Variants in CLIP2 observed in about 807,000 individuals in gnomAD.
CLIP2 encodes the protein CAP-Gly domain containing linker protein 2.
A neutral mutation model predicts 111.7 loss-of-function variants in CLIP2; 41 were observed. That is an observed-to-expected ratio of 0.37 (90% confidence interval 0.29 to 0.48). The LOEUF (loss-of-function observed/expected upper bound fraction) is 0.48, where lower values mean the gene tolerates loss of function less well. CLIP2 is among the 20% of genes least tolerant of loss of function. CLIP2 has a pLI of 0.99. For synonymous variants in CLIP2, 660 were observed against 644.2 expected (o/e 1.02, Z -0.37); for missense variants, 1,160 against 1,422.1 (o/e 0.82, Z 2.96).
chr7:74,391,324 T>C (rs1554315829), intron 13 of CLIP2, among the ~76,000 whole-genome samples: 1 of 152,214 alleles, frequency 6.6e-6, no homozygotes, highest in African/African-American at 2.4e-5. Flanking sequence ...AAAAACCTAT[T>C]GTATTCTGAA....
chr7:74,303,948 C>T (rs1554727307), intron 1 of CLIP2, among the ~76,000 whole-genome samples: 1 of 150,932 alleles, frequency 6.6e-6, no homozygotes, highest in Non-Finnish European at 1.5e-5. Flanking sequence ...GCTCTGTGGC[C>T]CAGGATGGGG....
At chr7:74,372,617 C>T (rs1790661158) in intron 8 of CLIP2, among the ~76,000 whole-genome samples, 1 of 151,960 alleles carries the variant, frequency 6.6e-6, no homozygotes. Context: ...AAGCGAGGTG[C>T]CCATTGCTAC....
At chr7:74,296,445 G>A (rs1350150418) in intron 1 of CLIP2, among the ~76,000 whole-genome samples, 3 of 151,732 alleles carry the variant, frequency 2.0e-5, no homozygotes, top group Admixed American at 6.6e-5. Context: ...GGGAGGCAGA[G>A]GCTGCAGTGA....
At chr7:74,296,377 G>A (rs1326877755) in intron 1 of CLIP2, among the ~76,000 whole-genome samples, 2 of 151,952 alleles carry the variant, frequency 1.3e-5, no homozygotes, top group African/African-American at 4.8e-5. Context: ...AGATGTAGTG[G>A]CATGCACCTG....
chr7:74,385,867 C>A (rs1477230192), intron 11 of CLIP2, among the ~76,000 whole-genome samples: 1 of 151,506 alleles, frequency 6.6e-6, no homozygotes, highest in African/African-American at 2.4e-5. Context: ...CTCAACCTCC[C>A]AAGTAGCTGG....
chr7:74,306,100 T>C (rs1379147240), intron 1 of CLIP2, among the ~76,000 whole-genome samples: 1 of 151,938 alleles, frequency 6.6e-6, no homozygotes, highest in Non-Finnish European at 1.5e-5. Context: ...CAGAGTGTGG[T>C]CAGTTTCCTT....
intron 2 of CLIP2, among the ~76,000 whole-genome samples, chr7:74,331,873 G>A (rs1789292682): frequency 6.6e-6 from 1 of 151,684 alleles, no homozygotes; most frequent in African/African-American, 2.4e-5. Flanking sequence ...ACGCCCAGCC[G>A]GGATCAGTTT....
chr7:74,337,885 C>T (rs567340499), intron 2 of CLIP2, among the ~76,000 whole-genome samples: 14 of 152,230 alleles, frequency 9.2e-5, no homozygotes, highest in African/African-American at 3.1e-4. Context: ...CATGAGCCAC[C>T]GTGCCCGGCC....
At chr7:74,352,508 A>T (rs1554307741) in intron 3 of CLIP2, among the ~76,000 whole-genome samples, 2 of 152,020 alleles carry the variant, frequency 1.3e-5, no homozygotes, top group African/African-American at 4.8e-5. Flanking sequence ...GGAAAAAAAA[A>T]TTTCTGGAAA....
At chr7:74,296,403 G>C (rs533337427) in intron 1 of CLIP2, among the ~76,000 whole-genome samples, 3 of 151,950 alleles carry the variant, frequency 2.0e-5, no homozygotes, top group African/African-American at 7.3e-5. Context: ...CCAGCTACTC[G>C]GGAGGCTGAG....
chr7:74,394,640 A>G (rs1285568274), intron 13 of CLIP2, among the ~76,000 whole-genome samples: 4 of 152,218 alleles, frequency 2.6e-5, no homozygotes, highest in African/African-American at 9.6e-5. Context: ...CTTTCCTTCT[A>G]TACAGATTAG....
At chr7:74,307,260 AG>A (rs1788518404) in intron 1 of CLIP2, among the ~76,000 whole-genome samples, 1 of 152,136 alleles carries the variant, frequency 6.6e-6, no homozygotes, top group African/African-American at 2.4e-5. Context: ...CCCAGAGGCC[AG>A]GGGGCTCACA....
intron 1 of CLIP2, among the ~76,000 whole-genome samples, chr7:74,310,078 A>AAAAAAAAC (rs1788604946): frequency 7.6e-6 from 1 of 130,776 alleles, no homozygotes; most frequent in African/African-American, 2.9e-5. Flanking sequence ...AAAAAAAAAA[A>AAAAAAAAC]GTTCAGCCAG....
In CLIP2 at chr7:74,376,814, C is replaced by T; in HGVS notation, c.2413C>T (p.His805Tyr). 1.3e-6 allele frequency: 2 copies of T among 1,591,282 alleles called. No individual in the cohort carries two copies. The highest frequency in any genetic ancestry group is 1.7e-6 in the Non-Finnish European group (2 of 1,169,650). ...QAVEALCSSQ[H>Y]THMIESNDIS... ...GGTCGAGGCCCTGTGCTCCTCCCAG[C>T]ACACCCACGTAGGCGCCTGCCCCTC... The change falls in exon 10 of 17, where the codon CAC (histidine) becomes TAC (tyrosine). Residue 805 changes from histidine (H) to tyrosine (Y), a missense_variant. His to Tyr is a moderately conservative substitution (Grantham distance 83, BLOSUM62 2). Around this residue, in one of 5 missense-constraint regions of CLIP2, gnomAD observed 676 missense variants for 777.8 expected, o/e 0.87. Coordinates refer to ENST00000223398, the MANE Select transcript of CLIP2 (RefSeq NM_003388.5). The surrounding 1 kb of genome is among the most constrained non-coding windows in gnomAD (Gnocchi z 7.1).
At position 74,338,300 on chromosome 7, in the gene CLIP2, G is replaced by C; in HGVS notation, c.122-148G>C. On this transcript the variant is annotated intron_variant, in intron 2 of 16. Coordinates refer to ENST00000223398, the MANE Select transcript of CLIP2 (RefSeq NM_003388.5). The surrounding 1 kb of genome is among the most constrained non-coding windows in gnomAD (Gnocchi z 4.3). ...GCGGATTTCTTGAGGTCAGGAGTTC[G>C]AGACCAGCCTGGCCGAGATGGTGAA... The C allele has an allele frequency of 1.1e-6, 1 of 922,258 alleles. No homozygotes were observed. Among genetic ancestry groups the C allele is most frequent in the South Asian group, 1.8e-5 (1 of 56,730 alleles). 57.1% of individuals were successfully genotyped at this position (922,258 alleles called of 1,614,324 possible).
intron 1 of CLIP2, among the ~76,000 whole-genome samples, chr7:74,294,911 G>A (rs547269519): frequency 1.3e-5 from 2 of 152,266 alleles, no homozygotes; most frequent in East Asian, 3.9e-4. Context: ...CTGGTGTGGT[G>A]GGTGGGGTAG....
rs35306275 is a variant in CLIP2, at chr7:74,314,179, C to CAA, written c.-67-3285_-67-3284dup. Among the ~76,000 whole-genome samples, 699 of 123,104 alleles carry CAA rather than the reference C, an allele frequency of 5.7e-3. 20 individuals carry two copies. Among genetic ancestry groups the CAA allele is most frequent in the African/African-American group, 5.6e-3 (169 of 30,392 alleles). The allele number at this position is 123,104 out of a possible 152,430, so 80.8% of individuals were successfully genotyped here. On this transcript the variant is annotated intron_variant, in intron 1 of 16. Transcript: ENST00000223398. ...CCTGGGTGTCAAAGTGACTCTGTCT[C>CAA]AAAAAAAAAAAAAAAAATTGGGGAA...
intron 3 of CLIP2, among the ~76,000 whole-genome samples, chr7:74,351,426 CAAAAA>C (rs55952428): frequency 3.0e-5 from 2 of 65,930 alleles, no homozygotes; most frequent in Non-Finnish European, 3.4e-5. Flanking sequence ...ATTCCAGTGT[CAAAAA>C]AAAAAAAAAA....
intron 3 of CLIP2, among the ~76,000 whole-genome samples, chr7:74,350,858 C>G (rs1789965301): frequency 7.0e-6 from 1 of 143,072 alleles, no homozygotes; most frequent in South Asian, 2.2e-4. Flanking sequence ...AAAGTGAGAG[C>G]CTGTTGAAAG....
Sources: allele counts gnomAD v4.1 joint callset (sites outside exome capture counted in the v4.1 genomes callset), GRCh38; gene constraint gnomAD v4.1.1; regional missense constraint gnomAD v4.1.1; non-coding constraint Gnocchi (gnomAD v3.1); transcripts MANE v1.5; gene names NCBI Gene and HGNC (gene_info 2026-07-23, HGNC 2026-07-21).